Variants in CACNA1C observed in about 807,000 individuals in gnomAD.
CACNA1C encodes voltage-dependent L-type calcium channel subunit alpha-1C.
Under a neutral mutation model 229.0 loss-of-function variants are expected in CACNA1C, and 30 were observed. The observed-to-expected ratio is 0.13, with a 90% confidence interval of 0.10 to 0.18. The LOEUF (loss-of-function observed/expected upper bound fraction) is 0.18. Among genes scored for constraint, CACNA1C ranks in the 10% least tolerant of loss-of-function variants. The probability of loss-of-function intolerance (pLI) is 1.00; values close to 1 mark genes in which losing one functional copy is unlikely to be tolerated. For synonymous variants in CACNA1C, 1,114 were observed against 1,132.5 expected (o/e 0.98, Z 0.33); for missense variants, 1,658 against 2,845.0 (o/e 0.58, Z 9.49).
In CACNA1C at chr12:2,566,461, G is replaced by C. The variant is rs367644389; in HGVS notation, c.1548G>C (p.Lys516Asn). 4 of 1,596,514 alleles carry C rather than the reference G, an allele frequency of 2.5e-6. No individual in the cohort carries two copies. The highest frequency in any genetic ancestry group is 3.4e-6 in the Non-Finnish European group (4 of 1,171,456). The change falls in exon 12 of 47, where the codon AAG (lysine) becomes AAC (asparagine). Residue 516 changes from lysine (K) to asparagine (N), a missense_variant. Lys to Asn is a moderately conservative substitution (Grantham distance 94). Transcript: ENST00000399655. The surrounding 1 kb of genome is among the most constrained non-coding windows in gnomAD (Gnocchi z 4.0). ...WRRWNRFCRR[K>N]CRAAVKSNVF... ...GGTGGAATCGGTTCTGCAGAAGGAAGTGCCGCGCCGCAGTCAAGTCTAATG... is the reference window on the plus strand; with the variant it reads ...GGTGGAATCGGTTCTGCAGAAGGAACTGCCGCGCCGCAGTCAAGTCTAATG...
rs1306128621 is a variant in CACNA1C at position 2,691,995 on chromosome 12, G to A, written c.*796G>A. The A allele has an allele frequency of 6.6e-6, 1 of 152,240 alleles. No homozygotes were observed. Among genetic ancestry groups the A allele is most frequent in the Non-Finnish European group, 1.5e-5 (1 of 68,058 alleles). 9.4% of individuals were successfully genotyped at this position (152,240 alleles called of 1,614,324 possible). On this transcript the variant is annotated 3_prime_UTR_variant, in exon 47 of 47. Coordinates refer to ENST00000399655, the MANE Select transcript of CACNA1C (RefSeq NM_000719.7). ...ATGTTTTATTTTGCTTTCCCAGCGG[G>A]AGGGGAGGAAGAAGAGTGTTTACAA...
chr12:2,450,563 A>AAAC (rs2099359302), intron 4 of CACNA1C, among the ~76,000 whole-genome samples: 1 of 144,936 alleles, frequency 6.9e-6, no homozygotes, highest in Non-Finnish European at 1.5e-5. Flanking sequence ...CAAAAAAAAA[A>AAAC]AAAAAAAAAA....
rs777768545 is a variant in CACNA1C at position 2,512,896 on chromosome 12, C to G, written c.1302C>G (p.Leu434=). 1.2e-6 allele frequency: 2 copies of G among 1,613,140 alleles called. No individual in the cohort carries two copies. The highest frequency in any genetic ancestry group is 1.7e-6 in the Non-Finnish European group (2 of 1,179,590). Residue 434 remains leucine (L), a synonymous_variant, in exon 9 of 47, where the codon CTC becomes CTG. Coordinates refer to ENST00000399655, the MANE Select transcript of CACNA1C (RefSeq NM_000719.7). This position sits in a 1 kb window ranked among gnomAD's most constrained non-coding sequence, Gnocchi z 4.3. ...AGAAGCAGCAGCTAGAAGAGGATCT[C>G]AAAGGCTACCTGGATTGGATCACTC... ...LREKQQLEED[L]KGYLDWITQA...
chr12:2,491,416 AAG>A (rs778870071), intron 6 of CACNA1C, among the ~76,000 whole-genome samples: 3 of 151,988 alleles, frequency 2.0e-5, no homozygotes, highest in Admixed American at 6.6e-5. Context: ...GTGGGAGAGA[AAG>A]AGAGGAGAGG....
intron 3 of CACNA1C, among the ~76,000 whole-genome samples, chr12:2,305,359 C>T (rs932725512): frequency 2.6e-5 from 4 of 152,224 alleles, no homozygotes. Context: ...TATGGTGCAG[C>T]CTCAGGTGGA....
At chr12:2,051,463 A>G (rs935182708), upstream of CACNA1C, among the ~76,000 whole-genome samples, 1 of 152,216 alleles carries the variant, frequency 6.6e-6, no homozygotes, top group African/African-American at 2.4e-5. Flanking sequence ...GATGTTTTAA[A>G]TGGGTTACTC....
chr12:2,394,210 G>A (rs778713065), intron 3 of CACNA1C, among the ~76,000 whole-genome samples: 2 of 152,054 alleles, frequency 1.3e-5, no homozygotes, highest in Non-Finnish European at 2.9e-5. Context: ...GAGGCCTGTC[G>A]TCTGCACTCC....
chr12:2,126,749 T>C (rs773325043), intron 3 of CACNA1C, among the ~76,000 whole-genome samples: 13 of 152,178 alleles, frequency 8.5e-5, no homozygotes, highest in South Asian at 2.1e-4. Context: ...TGGTGTAAAA[T>C]TGGGGCAACC....
intron 3 of CACNA1C, among the ~76,000 whole-genome samples, chr12:2,327,405 A>G (rs1013104393): frequency 6.6e-6 from 1 of 152,234 alleles, no homozygotes; most frequent in African/African-American, 2.4e-5. Flanking sequence ...TAGGTTGCCT[A>G]TCCTCCCCTT....
intron 4 of CACNA1C, among the ~76,000 whole-genome samples, chr12:2,454,952 CT>C (rs1383813856): frequency 6.6e-6 from 1 of 152,234 alleles, no homozygotes; most frequent in African/African-American, 2.4e-5. Flanking sequence ...GGCGCTGCCC[CT>C]GCACAGGTGG....
chr12:2,207,317 A>G (rs914528099), intron 3 of CACNA1C, among the ~76,000 whole-genome samples: 1 of 152,208 alleles, frequency 6.6e-6, no homozygotes, highest in African/African-American at 2.4e-5. Flanking sequence ...AAGTCAGCTG[A>G]CGGGCTTCTG....
intron 1 of CACNA1C, among the ~76,000 whole-genome samples, chr12:2,085,815 G>A (rs917032634): frequency 6.6e-6 from 1 of 152,280 alleles, no homozygotes. Context: ...TAAATGATAG[G>A]TGGTCCTGCA....
intron 29 of CACNA1C, among the ~76,000 whole-genome samples, chr12:2,620,447 A>C (rs559373467): frequency 6.6e-6 from 1 of 152,164 alleles, no homozygotes; most frequent in Non-Finnish European, 1.5e-5. Flanking sequence ...TCTTCCTTCT[A>C]AGATCCGAGA....
intron 29 of CACNA1C, among the ~76,000 whole-genome samples, chr12:2,626,650 C>T (rs1185928696): frequency 2.0e-5 from 3 of 152,254 alleles, no homozygotes; most frequent in Non-Finnish European, 2.9e-5. Context: ...TTGCAGAAAA[C>T]GGCTCATTTA....
At chr12:2,066,875 G>T (rs1042830928) in intron 1 of CACNA1C, among the ~76,000 whole-genome samples, 1 of 152,124 alleles carries the variant, frequency 6.6e-6, no homozygotes, top group Admixed American at 6.5e-5. Context: ...GGACAGGAGG[G>T]GCCTCGGGCA....
intron 3 of CACNA1C, among the ~76,000 whole-genome samples, chr12:2,438,359 A>ATGATGGTGGTGG (rs1555574729): frequency 2.9e-5 from 4 of 137,266 alleles, no homozygotes; most frequent in Non-Finnish European, 4.7e-5. Flanking sequence ...GGTGGTGGTA[A>ATGATGGTGGTGG]TGATGGTGGT....
intron 3 of CACNA1C, among the ~76,000 whole-genome samples, chr12:2,301,100 G>A (rs2094523693): frequency 6.6e-6 from 1 of 152,176 alleles, no homozygotes; most frequent in South Asian, 2.1e-4. Context: ...CCTCAGGGCG[G>A]CATCTGCCCA....
chr12:2,430,338 A>G (rs1178271393), intron 3 of CACNA1C, among the ~76,000 whole-genome samples: 1 of 152,194 alleles, frequency 6.6e-6, no homozygotes, highest in Non-Finnish European at 1.5e-5. Flanking sequence ...TCATTCCATG[A>G]ACTGGCAGGA....
chr12:2,379,539 G>A (rs576052452), intron 3 of CACNA1C, among the ~76,000 whole-genome samples: 5 of 152,210 alleles, frequency 3.3e-5, no homozygotes, highest in Admixed American at 2.0e-4. Context: ...CTTTTTCTTG[G>A]TCTGCCTCCT....
Sources: allele counts gnomAD v4.1 joint callset (sites outside exome capture counted in the v4.1 genomes callset), GRCh38; gene constraint gnomAD v4.1.1; non-coding constraint Gnocchi (gnomAD v3.1); transcripts MANE v1.5; gene names NCBI Gene and HGNC (gene_info 2026-07-23, HGNC 2026-07-21).